The following SNTB1 variants were observed in gnomAD, a reference collection of about 807,000 sequenced individuals.
The protein encoded by SNTB1 is beta-1-syntrophin.
Under a neutral mutation model 48.9 loss-of-function variants are expected in SNTB1, and 36 were observed. The observed-to-expected ratio is 0.74, with a 90% CI of 0.56 to 0.97. SNTB1 has a LOEUF of 0.97. Among genes scored for constraint, SNTB1 ranks in the 50% least tolerant of loss-of-function variants. SNTB1 has a pLI of 0.00. For missense variants in SNTB1, 786 were observed against 703.4 expected (o/e 1.12, Z -1.33); for synonymous variants, 299 against 294.6 (o/e 1.01, Z -0.15).
chr8:120,689,950 G>T (rs1001994211), intron 2 of SNTB1, among the ~76,000 whole-genome samples: 2 of 152,104 alleles, frequency 1.3e-5, no homozygotes, highest in Non-Finnish European at 2.9e-5. Flanking sequence ...TAAAGAGTTC[G>T]CAATGTATTC....
At chr8:120,690,668 C>A (rs1027519096) in intron 2 of SNTB1, among the ~76,000 whole-genome samples, 1 of 152,204 alleles carries the variant, frequency 6.6e-6, no homozygotes, top group Non-Finnish European at 1.5e-5. Context: ...TTTTGCCCAT[C>A]CTTGTATCTT....
intron 1 of SNTB1, among the ~76,000 whole-genome samples, chr8:120,771,591 C>T (rs1428950905): frequency 2.6e-5 from 4 of 152,116 alleles, no homozygotes. Context: ...TAATTGGTTT[C>T]TGTCTTCTCC....
At chr8:120,751,900 T>C (rs1463414196) in intron 1 of SNTB1, among the ~76,000 whole-genome samples, 1 of 152,208 alleles carries the variant, frequency 6.6e-6, no homozygotes, top group Non-Finnish European at 1.5e-5. Flanking sequence ...CATCTTGTTC[T>C]GGCTGAAAGC....
chr8:120,566,608 G>A (rs1018226718), intron 4 of SNTB1, among the ~76,000 whole-genome samples: 2 of 152,170 alleles, frequency 1.3e-5, no homozygotes, highest in African/African-American at 4.8e-5. Context: ...CTGAGAAGAT[G>A]GGAGGCAGCA....
intron 2 of SNTB1, among the ~76,000 whole-genome samples, chr8:120,670,209 C>T (rs1198109465): frequency 6.6e-6 from 1 of 152,150 alleles, no homozygotes; most frequent in African/African-American, 2.4e-5. Flanking sequence ...AGGAAATAGG[C>T]TTTCTTTCCC....
At chr8:120,644,830 G>T (rs562351757) in intron 2 of SNTB1, among the ~76,000 whole-genome samples, 108 of 151,462 alleles carry the variant, frequency 7.1e-4, no homozygotes, top group African/African-American at 2.4e-3. Context: ...ACCTGTTGTT[G>T]CCTGACTTTT....
At chr8:120,748,204 C>T (rs1819157882) in intron 1 of SNTB1, among the ~76,000 whole-genome samples, 1 of 152,182 alleles carries the variant, frequency 6.6e-6, no homozygotes, top group South Asian at 2.1e-4. Context: ...CAACAGTGGA[C>T]ATCCTGTCCA....
intron 6 of SNTB1, 53 bp downstream of exon 6, chr8:120,541,756 CA>C: frequency 7.5e-7 from 1 of 1,327,112 alleles, no homozygotes; most frequent in Non-Finnish European, 1.0e-6. Flanking sequence ...CATTATGTTG[CA>C]TAATGAAATA....
chr8:120,712,125 T>A (rs1281845398), intron 1 of SNTB1, among the ~76,000 whole-genome samples: 2 of 152,254 alleles, frequency 1.3e-5, no homozygotes, highest in Non-Finnish European at 2.9e-5. Flanking sequence ...CTTAGAAATA[T>A]ATGACAGGCC....
chr8:120,598,003 T>C (rs1294149770), intron 3 of SNTB1, among the ~76,000 whole-genome samples: 1 of 152,236 alleles, frequency 6.6e-6, no homozygotes, highest in Non-Finnish European at 1.5e-5. Flanking sequence ...AAAGTCTTCA[T>C]TAATTCCTCA....
chr8:120,729,321 T>C (rs1183359415), intron 1 of SNTB1, among the ~76,000 whole-genome samples: 9 of 152,238 alleles, frequency 5.9e-5, no homozygotes, highest in African/African-American at 2.2e-4. Flanking sequence ...AGATGTGAGA[T>C]GGTATTTCAC....
At position 120,575,219 on chromosome 8, in the gene SNTB1, CT is replaced by C. The variant is rs752979349; in HGVS notation, c.1002del (p.Glu336ArgfsTer13). 2 of 1,614,124 alleles carry C rather than the reference CT, an allele frequency of 1.2e-6. No individual in the cohort carries two copies. Among genetic ancestry groups the C allele is most frequent in the Non-Finnish European group, 1.7e-6 (2 of 1,180,000 alleles). On this transcript the variant is annotated frameshift_variant, in exon 4 of 7. Coordinates refer to ENST00000517992, the MANE Select transcript of SNTB1 (RefSeq NM_021021.4). LOFTEE classifies it high-confidence loss of function. ...RHLGWLAEKV[P>X]GESKKQWKPA... The stretch of plus-strand genomic sequence containing the variant: ...GGTTTCCACTGTTTCTTGCTCTCCC[CT>C]GGCACCTGAAAAAGAAAGCAGAGAA...
intron 1 of SNTB1, among the ~76,000 whole-genome samples, chr8:120,762,652 C>A (rs1819442480): frequency 6.6e-6 from 1 of 152,080 alleles, no homozygotes; most frequent in Non-Finnish European, 1.5e-5. Context: ...GCTTTGGGGC[C>A]TTATTGATTT....
chr8:120,539,871 A>G (rs761576129), intron 6 of SNTB1, among the ~76,000 whole-genome samples: 6 of 152,170 alleles, frequency 3.9e-5, no homozygotes, highest in African/African-American at 9.7e-5. Context: ...CAGCATCCCA[A>G]TGAAGAAGCT....
intron 2 of SNTB1, chr8:120,637,709 C>T: frequency 2.3e-6 from 1 of 440,606 alleles, no homozygotes; most frequent in Non-Finnish European, 4.4e-6. Flanking sequence ...TGCACTTATG[C>T]CTGTTGAAAT....
At chr8:120,787,492 A>G (rs1268586050) in intron 1 of SNTB1, among the ~76,000 whole-genome samples, 2 of 152,114 alleles carry the variant, frequency 1.3e-5, no homozygotes, top group African/African-American at 4.8e-5. Context: ...AAAACAATTC[A>G]GGATATGAAT....
chr8:120,723,611 G>C (rs138590361), intron 1 of SNTB1, among the ~76,000 whole-genome samples: 1 of 152,132 alleles, frequency 6.6e-6, no homozygotes, highest in Admixed American at 6.5e-5. Flanking sequence ...GCAGTGAAGG[G>C]GCTGTACAGC....
chr8:120,718,823 A>T (rs1300488394), intron 1 of SNTB1, among the ~76,000 whole-genome samples: 1 of 152,160 alleles, frequency 6.6e-6, no homozygotes, highest in East Asian at 1.9e-4. Context: ...GGTTCCCTAT[A>T]AACTCCAAAT....
chr8:120,625,761 G>T (rs1311888073), intron 3 of SNTB1, among the ~76,000 whole-genome samples: 3 of 152,164 alleles, frequency 2.0e-5, no homozygotes, highest in Admixed American at 2.0e-4. Context: ...TGCATTAACA[G>T]CCTGTGTTTT....
Sources: gnomAD v4.1 joint callset for allele counts (sites outside exome capture counted in the v4.1 genomes callset) on GRCh38, gnomAD v4.1.1 for gene constraint, MANE v1.5 for transcripts, NCBI Gene and HGNC (gene_info 2026-07-23, HGNC 2026-07-21) for gene names.